The following KIRREL3 variants were observed in gnomAD, a reference collection of about 807,000 sequenced individuals.
KIRREL3 encodes kin of IRRE-like protein 3.
A neutral mutation model predicts 89.7 loss-of-function variants in KIRREL3; 36 were observed. That is an observed-to-expected ratio of 0.40 (90% CI 0.31 to 0.53). The LOEUF is 0.53. Ranked by LOEUF, KIRREL3 falls within the 20% of genes least tolerant of loss-of-function variation. KIRREL3 has a pLI of 0.49. For missense variants in KIRREL3, 864 were observed against 1,056.6 expected, an observed-to-expected ratio of 0.82 and a Z score of 2.53; for synonymous variants, 445 against 441.4, an observed-to-expected ratio of 1.01 and a Z score of -0.10.
chr11:126,437,022 G>C lies in KIRREL3; in HGVS notation c.1354-13C>G, dbSNP rs751610309. 2 of 1,508,514 alleles carry C rather than the reference G, an allele frequency of 1.3e-6. No homozygotes were observed. The highest frequency in any genetic ancestry group is 2.6e-5 in the South Asian group (2 of 76,532). 93.4% of individuals were successfully genotyped at this position (1,508,514 alleles called of 1,614,324 possible). On this transcript the variant is annotated splice_polypyrimidine_tract_variant and intron_variant, in intron 11 of 16. Transcript: ENST00000525144. ...TCCAGGACCAGGCCTGCCCGGGGGC[G>C]CAGAATCAGGAGGAGACCCCACCAG...
At chr11:126,733,168 C>T (rs3862641) in intron 1 of KIRREL3, among the ~76,000 whole-genome samples, 5 of 152,054 alleles carry the variant, frequency 3.3e-5, no homozygotes, top group East Asian at 1.9e-4. Flanking sequence ...TTTTGGCTTT[C>T]GGCTGAACTT....
At position 126,555,944 on chromosome 11, in the gene KIRREL3, T is replaced by A. The variant is rs1234189027; in HGVS notation, c.133+6891A>T. On this transcript the variant is annotated intron_variant, in intron 2 of 16. Coordinates refer to ENST00000525144, the MANE Select transcript of KIRREL3 (RefSeq NM_032531.4). This position sits in a 1 kb window ranked among gnomAD's most constrained non-coding sequence, Gnocchi z 4.2. ...TTTGGTAGAGGTGGGGTTTCACTAT[T>A]TTGGCCAGGCTGGTCTCAAACTCCT... Among the ~76,000 whole-genome samples, 1 of 152,042 alleles carries A rather than the reference T, an allele frequency of 6.6e-6. No individual in the cohort carries two copies. Among genetic ancestry groups the A allele is most frequent in the Non-Finnish European group, 1.5e-5 (1 of 68,000 alleles).
intron 1 of KIRREL3, among the ~76,000 whole-genome samples, chr11:126,602,168 G>T (rs1229077478): frequency 6.6e-6 from 1 of 152,198 alleles, no homozygotes; most frequent in Non-Finnish European, 1.5e-5. Context: ...TTTCTGTTTT[G>T]CCTTTTGATG....
In KIRREL3 at chr11:126,508,086, T is replaced by C. The variant is rs1591650241; in HGVS notation, c.433+13229A>G. Among the ~76,000 whole-genome samples the C allele has an allele frequency of 6.6e-6, 1 of 152,334 alleles. No homozygotes were observed. The highest frequency in any genetic ancestry group is 2.4e-5 in the African/African-American group (1 of 41,578). On this transcript the variant is annotated intron_variant, in intron 4 of 16. Coordinates refer to ENST00000525144, the MANE Select transcript of KIRREL3 (RefSeq NM_032531.4). This position sits in a 1 kb window ranked among gnomAD's most constrained non-coding sequence, Gnocchi z 4.9. ...GTGGCCATCAGCCTTCTCCTCCCTT[T>C]CTTGCCTGCACCACTGAAGCTGCTG... is the stretch of plus-strand genomic sequence containing the variant.
chr11:126,846,097 T>C lies in KIRREL3; in HGVS notation c.55+154358A>G, dbSNP rs565098020. On this transcript the variant is annotated intron_variant, in intron 1 of 16. Transcript: ENST00000525144. Reference sequence around the variant, plus strand: ...ACTTTTGGGGATATCAGAAATTACTTTGCATTATGAGAGAGCTTTGGTGTG... The same window carrying C: ...ACTTTTGGGGATATCAGAAATTACTCTGCATTATGAGAGAGCTTTGGTGTG... 2.0e-5 allele frequency among the ~76,000 whole-genome samples: 3 copies of C among 152,336 alleles called. No individual in the cohort carries two copies. In the East Asian group the frequency reaches 5.8e-4, roughly 29 times the overall value.
chr11:126,671,262 C>G (rs1388339506), intron 1 of KIRREL3, among the ~76,000 whole-genome samples: 1 of 137,260 alleles, frequency 7.3e-6, no homozygotes, highest in Admixed American at 7.7e-5. Context: ...GAGTCGAGGT[C>G]TTGCTGCACT....
Position 126,669,156 on chromosome 11 carries a change from TGG to T in KIRREL3, c.56-106246_56-106245del, listed in dbSNP as rs1160485933. On this transcript the variant is annotated intron_variant, in intron 1 of 16. Transcript: ENST00000525144. The surrounding 1 kb of genome is among the most constrained non-coding windows in gnomAD (Gnocchi z 5.0). ...TTTTTGCTTTGGTTTTTTGCTTCTC[TGG>T]GGTATGGGTCTTCATCTTGTTTGTT... Among the ~76,000 whole-genome samples, 1 of 152,214 alleles carries T rather than the reference TGG, an allele frequency of 6.6e-6. No homozygotes were observed. Among genetic ancestry groups the T allele is most frequent in the African/African-American group, 2.4e-5 (1 of 41,450 alleles).
Position 126,645,766 on chromosome 11 carries a change from G to A in KIRREL3, c.56-82854C>T, listed in dbSNP as rs1423647967. Among the ~76,000 whole-genome samples the A allele has an allele frequency of 2.6e-5, 4 of 152,154 alleles. No homozygotes were observed. The highest frequency in any genetic ancestry group is 4.4e-5 in the Non-Finnish European group (3 of 68,034). ...CAGATAAGGTGGTGTCTTCGCCTAT[G>A]CTTTGGACCACATTTAATTAAATGC... On this transcript the variant is annotated intron_variant, in intron 1 of 16. Transcript: ENST00000525144. This position sits in a 1 kb window ranked among gnomAD's most constrained non-coding sequence, Gnocchi z 4.9.
At chr11:126,760,653 C>T (rs1949641403) in intron 1 of KIRREL3, among the ~76,000 whole-genome samples, 1 of 152,198 alleles carries the variant, frequency 6.6e-6, no homozygotes, top group African/African-American at 2.4e-5. Context: ...TATTCAGGAT[C>T]TGCAGGAGTT....
chr11:126,849,960 C>T (rs1409889416), intron 1 of KIRREL3, among the ~76,000 whole-genome samples: 1 of 130,894 alleles, frequency 7.6e-6, no homozygotes, highest in African/African-American at 3.0e-5. Context: ...TATGAAAACG[C>T]TTTTTAGTGT....
Position 126,849,680 on chromosome 11 carries a change from G to A in KIRREL3, c.55+150775C>T, listed in dbSNP as rs550845811. 1.2e-3 allele frequency among the ~76,000 whole-genome samples: 188 copies of A among 152,288 alleles called. 3 individuals are homozygous for A. In the South Asian group the frequency reaches 0.036, roughly 29 times the overall value. ...CACAGACATTTGACTAAAGGGCGGT[G>A]GGGAGAACGGGCACTTGATGGTCAT... On this transcript the variant is annotated intron_variant, in intron 1 of 16. Coordinates refer to ENST00000525144, the MANE Select transcript of KIRREL3 (RefSeq NM_032531.4).
In KIRREL3 at chr11:126,496,844, T is replaced by G. The variant is rs1957670998; in HGVS notation, c.434-23378A>C. Among the ~76,000 whole-genome samples, 1 of 152,150 alleles carries G rather than the reference T, an allele frequency of 6.6e-6. No homozygotes were observed. Among genetic ancestry groups the G allele is most frequent in the African/African-American group, 2.4e-5 (1 of 41,422 alleles). On this transcript the variant is annotated intron_variant, in intron 4 of 16. Transcript: ENST00000525144. This position sits in a 1 kb window ranked among gnomAD's most constrained non-coding sequence, Gnocchi z 4.9. Reference sequence around the variant, plus strand: ...GTCACAAATCTAGGAGACTTCTCTCTGGGGCCTCTGGAAGCTGGGGCCAGT... The same window carrying G: ...GTCACAAATCTAGGAGACTTCTCTCGGGGGCCTCTGGAAGCTGGGGCCAGT...
Position 126,558,938 on chromosome 11 carries a change from C to T in KIRREL3, c.133+3897G>A, listed in dbSNP as rs190841497. On this transcript the variant is annotated intron_variant, in intron 2 of 16. Coordinates refer to ENST00000525144, the MANE Select transcript of KIRREL3 (RefSeq NM_032531.4). The surrounding 1 kb of genome is among the most constrained non-coding windows in gnomAD (Gnocchi z 4.0). ...TGCATTGTGTGTGTATGTGTGTGTG[C>T]ATGCTCATGTGTGTGTTGGAGATGT... Among the ~76,000 whole-genome samples, 22 of 152,068 alleles carry T rather than the reference C, an allele frequency of 1.4e-4. No homozygotes were observed. The highest frequency in any genetic ancestry group is 4.6e-4 in the African/African-American group (19 of 41,486).
rs1315040020 is a variant in KIRREL3 at position 126,739,166 on chromosome 11, C to A, written c.56-176254G>T. 6.6e-6 allele frequency among the ~76,000 whole-genome samples: 1 copy of A among 152,088 alleles called. No individual in the cohort carries two copies. The highest frequency in any genetic ancestry group is 1.9e-4 in the East Asian group (1 of 5,188). The stretch of plus-strand genomic sequence containing the variant: ...GACTGTTCTGGCTCCAAAGCCAAAC[C>A]CTTCCACCCGTTCCGTGCTATTGTT... On this transcript the variant is annotated intron_variant, in intron 1 of 16. Coordinates refer to ENST00000525144, the MANE Select transcript of KIRREL3 (RefSeq NM_032531.4). The surrounding 1 kb of genome is among the most constrained non-coding windows in gnomAD (Gnocchi z 5.5).
intron 1 of KIRREL3, among the ~76,000 whole-genome samples, chr11:126,681,389 C>T (rs896756100): frequency 1.3e-5 from 2 of 152,112 alleles, no homozygotes; most frequent in African/African-American, 4.8e-5. Context: ...TATGTTATTG[C>T]CTACAGTCAT....
chr11:126,895,957 G>A (rs527508016), intron 1 of KIRREL3, among the ~76,000 whole-genome samples: 4 of 152,298 alleles, frequency 2.6e-5, no homozygotes, highest in East Asian at 1.9e-4. Context: ...TCACTAGAGC[G>A]AATGGCAAAT....
Position 126,989,342 on chromosome 11 carries a change from G to A in KIRREL3, c.55+11113C>T, listed in dbSNP as rs527805559. 1.3e-5 allele frequency among the ~76,000 whole-genome samples: 2 copies of A among 152,296 alleles called. No individual in the cohort carries two copies. Among genetic ancestry groups the A allele is most frequent in the African/African-American group, 4.8e-5 (2 of 41,568 alleles). ...AAGGCTGGCACTGTGGGGACGAAGG[G>A]GGCAGTGGCAGCTCACCCTGATGCA... On this transcript the variant is annotated intron_variant, in intron 1 of 16. Coordinates refer to ENST00000525144, the MANE Select transcript of KIRREL3 (RefSeq NM_032531.4). This position sits in a 1 kb window ranked among gnomAD's most constrained non-coding sequence, Gnocchi z 6.2.
Position 126,628,500 on chromosome 11 carries a change from C to G in KIRREL3, c.56-65588G>C, listed in dbSNP as rs1321220854. ...ATGAATGTTTGCTGAGCAGGAAGAA[C>G]AGTATATCCCGTTCTCCTAGCTCTC... is the stretch of plus-strand genomic sequence containing the variant. On this transcript the variant is annotated intron_variant, in intron 1 of 16. Transcript: ENST00000525144. This position sits in a 1 kb window ranked among gnomAD's most constrained non-coding sequence, Gnocchi z 5.2. Among the ~76,000 whole-genome samples the G allele has an allele frequency of 6.6e-6, 1 of 152,214 alleles. No individual in the cohort carries two copies. The highest frequency in any genetic ancestry group is 1.5e-5 in the Non-Finnish European group (1 of 68,038).
Position 126,614,780 on chromosome 11 carries a change from G to A in KIRREL3, c.56-51868C>T, listed in dbSNP as rs1205467171. 6.6e-6 allele frequency among the ~76,000 whole-genome samples: 1 copy of A among 152,146 alleles called. No individual in the cohort carries two copies. The highest frequency in any genetic ancestry group is 1.5e-5 in the Non-Finnish European group (1 of 68,034). Reference sequence around the variant, plus strand: ...AGGTGTCTCCGCTGGGAGACTCTGGGGAGATCCTGAATGGAATTGAATTTC... The same window carrying A: ...AGGTGTCTCCGCTGGGAGACTCTGGAGAGATCCTGAATGGAATTGAATTTC... On this transcript the variant is annotated intron_variant, in intron 1 of 16. Transcript: ENST00000525144. The surrounding 1 kb of genome is among the most constrained non-coding windows in gnomAD (Gnocchi z 4.6).
Sources: allele counts gnomAD v4.1 joint callset (sites outside exome capture counted in the v4.1 genomes callset), GRCh38; gene constraint gnomAD v4.1.1; non-coding constraint Gnocchi (gnomAD v3.1); transcripts MANE v1.5; gene names NCBI Gene and HGNC (gene_info 2026-07-23, HGNC 2026-07-21).